Variants in ROBO1 observed in about 807,000 individuals in gnomAD.
ROBO1 encodes roundabout guidance receptor 1.
In ROBO1, 149 loss-of-function variants were observed where a neutral mutation model predicts 195.9. That is an observed-to-expected ratio of 0.76 (90% CI 0.67 to 0.87). The LOEUF (loss-of-function observed/expected upper bound fraction) is 0.87. Among genes scored for constraint, ROBO1 ranks in the 40% least tolerant of loss-of-function variants. The pLI, the probability that ROBO1 is intolerant of heterozygous loss-of-function variation, is 0.00. For synonymous variants in ROBO1, 816 were observed against 733.2 expected (o/e 1.11, Z -1.82); for missense variants, 1,933 against 2,068.3 (o/e 0.93, Z 1.27).
intron 2 of ROBO1, among the ~76,000 whole-genome samples, chr3:79,205,817 C>T (rs1208907218): frequency 6.6e-6 from 1 of 152,156 alleles, no homozygotes; most frequent in Non-Finnish European, 1.5e-5. Context: ...TAGCTCCTAT[C>T]TTCCAACATG....
At chr3:79,084,063 CTAGATTA>C (rs1264457825) in intron 3 of ROBO1, among the ~76,000 whole-genome samples, 1 of 152,148 alleles carries the variant, frequency 6.6e-6, no homozygotes, top group African/African-American at 2.4e-5. Flanking sequence ...TTTAACATTT[CTAGATTA>C]TAAAGTCATC....
In ROBO1 at chr3:78,945,194, G is replaced by A. The variant is rs184442855; in HGVS notation, c.173-6267C>T. On this transcript the variant is annotated intron_variant, in intron 3 of 30. Coordinates refer to ENST00000464233, the MANE Select transcript of ROBO1 (RefSeq NM_002941.4). ...TAGTGGTTCTCCCAGCACGCAGCTT[G>A]AGATCTGAGAATGGGCAGACTGCCT... Among the ~76,000 whole-genome samples, 241 of 152,316 alleles carry A rather than the reference G, an allele frequency of 1.6e-3. 5 individuals are homozygous for A. The highest frequency in any genetic ancestry group is 4.5e-3 in the African/African-American group (186 of 41,570).
intron 4 of ROBO1, among the ~76,000 whole-genome samples, chr3:78,913,120 C>A (rs2038348640): frequency 6.6e-6 from 1 of 152,152 alleles, no homozygotes; most frequent in Non-Finnish European, 1.5e-5. Context: ...TTCCAGCCAA[C>A]AAATGGAGAT....
intron 3 of ROBO1, among the ~76,000 whole-genome samples, chr3:79,039,249 C>A (rs1237842154): frequency 6.6e-6 from 1 of 152,116 alleles, no homozygotes; most frequent in Non-Finnish European, 1.5e-5. Context: ...TACTTTATTT[C>A]TTTCTTTTTA....
At chr3:79,299,685 A>T (rs2032791112) in intron 2 of ROBO1, among the ~76,000 whole-genome samples, 1 of 152,184 alleles carries the variant, frequency 6.6e-6, no homozygotes, top group Non-Finnish European at 1.5e-5. Context: ...TGAGAAAACA[A>T]GACTTTTTAA....
chr3:79,730,018 T>C lies in ROBO1; in HGVS notation c.-51+37734A>G, dbSNP rs141988152. 2.8e-3 allele frequency among the ~76,000 whole-genome samples: 429 copies of C among 152,298 alleles called. 2 individuals carry two copies. Among genetic ancestry groups the C allele is most frequent in the African/African-American group, 9.6e-3 (400 of 41,574 alleles). ...GCTAAATTCATTAGAGAGATAATTA[T>C]ATTGCAAATTAACAAGCATTCACCT... On this transcript the variant is annotated intron_variant, in intron 1 of 30. Coordinates refer to ENST00000464233, the MANE Select transcript of ROBO1 (RefSeq NM_002941.4).
intron 2 of ROBO1, among the ~76,000 whole-genome samples, chr3:79,539,191 T>C (rs1055112408): frequency 6.6e-6 from 1 of 152,174 alleles, no homozygotes; most frequent in South Asian, 2.1e-4. Flanking sequence ...AATATATTCA[T>C]GCAATCTGTT....
At chr3:79,693,879 G>T (rs900153990) in intron 1 of ROBO1, among the ~76,000 whole-genome samples, 5 of 151,382 alleles carry the variant, frequency 3.3e-5, no homozygotes, top group African/African-American at 9.7e-5. Context: ...ATTATCTTGA[G>T]AATTTATTTA....
intron 4 of ROBO1, among the ~76,000 whole-genome samples, chr3:78,890,500 G>T (rs553596963): frequency 2.0e-5 from 3 of 152,072 alleles, no homozygotes; most frequent in Admixed American, 2.0e-4. Context: ...GTAAACGTTG[G>T]TTGTTTAAGC....
chr3:78,891,352 T>TA (rs5850403), intron 4 of ROBO1, among the ~76,000 whole-genome samples: 46,842 of 151,738 alleles, frequency 0.31, 7,390 homozygotes, highest in Non-Finnish European at 0.34. Flanking sequence ...TACGCACATT[T>TA]AAAAAAAATT....
intron 2 of ROBO1, among the ~76,000 whole-genome samples, chr3:79,472,530 G>A (rs76241552): frequency 2.0e-5 from 3 of 152,138 alleles, no homozygotes; most frequent in Non-Finnish European, 2.9e-5. Context: ...TTCAGGTATT[G>A]ATGAGAGAAG....
At chr3:79,295,463 G>A (rs2032535923) in intron 2 of ROBO1, among the ~76,000 whole-genome samples, 1 of 152,106 alleles carries the variant, frequency 6.6e-6, no homozygotes, top group Non-Finnish European at 1.5e-5. Flanking sequence ...TGGGAGCTAG[G>A]GGAGGAATAG....
At chr3:78,634,922 C>T (rs900091463) in intron 23 of ROBO1, among the ~76,000 whole-genome samples, 1 of 152,196 alleles carries the variant, frequency 6.6e-6, no homozygotes, top group South Asian at 2.1e-4. Context: ...TGTTCCCAAC[C>T]CAAACCTAAA....
At position 78,897,656 on chromosome 3, in the gene ROBO1, T is replaced by G. The variant is rs1012332953; in HGVS notation, c.499+40945A>C. The stretch of plus-strand genomic sequence containing the variant: ...TTATTTATTATAGTGCACTATAAAT[T>G]TATTTAAAGCTAATTATTTTTAAAA... On this transcript the variant is annotated intron_variant, in intron 4 of 30. Transcript: ENST00000464233. Among the ~76,000 whole-genome samples the G allele has an allele frequency of 3.3e-5, 5 of 152,196 alleles. No homozygotes were observed. In the South Asian group the frequency reaches 6.2e-4, roughly 19 times the overall value.
At chr3:78,935,374 G>A (rs2039748458) in intron 4 of ROBO1, among the ~76,000 whole-genome samples, 1 of 151,964 alleles carries the variant, frequency 6.6e-6, no homozygotes, top group Admixed American at 6.6e-5. Flanking sequence ...GATGTAGAGA[G>A]CCATGTTCTA....
chr3:78,719,834 C>G (rs1030709105), intron 5 of ROBO1, among the ~76,000 whole-genome samples: 1 of 152,078 alleles, frequency 6.6e-6, no homozygotes, highest in South Asian at 2.1e-4. Flanking sequence ...TTGTATATAT[C>G]TTTTCTCATA....
chr3:79,493,161 A>C (rs913100258), intron 2 of ROBO1, among the ~76,000 whole-genome samples: 2 of 152,062 alleles, frequency 1.3e-5, no homozygotes, highest in Non-Finnish European at 2.9e-5. Flanking sequence ...CATATTAAAA[A>C]GGTAAGATAT....
chr3:78,788,236 C>G (rs950746280), intron 4 of ROBO1, among the ~76,000 whole-genome samples: 1 of 151,698 alleles, frequency 6.6e-6, no homozygotes, highest in African/African-American at 2.4e-5. Context: ...CTGCCTCAGC[C>G]TCCCGAGTAG....
rs1167482550 is a variant in ROBO1, at chr3:79,412,874, A to ATTTTTTTTTTTTTTTT, written c.88+176934_88+176949dup. Among the ~76,000 whole-genome samples, 8 of 38,346 alleles carry ATTTTTTTTTTTTTTTT rather than the reference A, an allele frequency of 2.1e-4. 1 individual carries two copies. The highest frequency in any genetic ancestry group is 1.5e-3 in the South Asian group (1 of 660). The allele number at this position is 38,346 out of a possible 152,430, so 25.2% of individuals were successfully genotyped here. A position where few individuals can be genotyped will look rare whatever the true frequency, so the allele number is the denominator to read the frequency against. On this transcript the variant is annotated intron_variant, in intron 2 of 30. Transcript: ENST00000464233. The stretch of plus-strand genomic sequence containing the variant: ...AATGATTTTATTGCCTCATGAGCTG[A>ATTTTTTTTTTTTTTTT]TTTTTTTTTTTTTTTTTTTTTTTTT...
Sources: allele counts gnomAD v4.1 joint callset (sites outside exome capture counted in the v4.1 genomes callset), GRCh38; gene constraint gnomAD v4.1.1; transcripts MANE v1.5; gene names NCBI Gene and HGNC (gene_info 2026-07-23, HGNC 2026-07-21).